TBC1D5: variants seen among roughly 807,000 people sequenced by gnomAD.
TBC1D5 encodes the protein TBC1 domain family member 5.
A neutral mutation model predicts 100.3 loss-of-function variants in TBC1D5; 75 were observed. The ratio of observed to expected loss-of-function variants is 0.75; its 90% CI spans 0.62 to 0.91. The LOEUF (loss-of-function observed/expected upper bound fraction) is 0.91, where lower values mean the gene tolerates loss of function less well. TBC1D5 is among the 40% of genes least tolerant of loss of function. TBC1D5 has a pLI of 0.00. For synonymous variants in TBC1D5, 323 were observed against 325.6 expected (o/e 0.99, Z 0.09); for missense variants, 910 against 942.4 (o/e 0.97, Z 0.45).
intron 3 of TBC1D5, among the ~76,000 whole-genome samples, chr3:17,439,516 T>G (rs988659776): frequency 6.6e-6 from 1 of 152,206 alleles, no homozygotes; most frequent in African/African-American, 2.4e-5. Flanking sequence ...CGTTACTGAT[T>G]AGTATTTAAA....
chr3:17,673,167 A>C (rs961671131), intron 1 of TBC1D5, among the ~76,000 whole-genome samples: 4 of 152,192 alleles, frequency 2.6e-5, no homozygotes, highest in Non-Finnish European at 5.9e-5. Context: ...TAATACAAAA[A>C]CAGGAAAGAT....
intron 13 of TBC1D5, among the ~76,000 whole-genome samples, chr3:17,370,686 C>G (rs1312315532): frequency 6.6e-6 from 1 of 152,122 alleles, no homozygotes; most frequent in African/African-American, 2.4e-5. Context: ...AGAAAAACAG[C>G]TGAGAGTTAT....
intron 4 of TBC1D5, among the ~76,000 whole-genome samples, chr3:17,416,335 G>C (rs1249465848): frequency 6.6e-6 from 1 of 152,156 alleles, no homozygotes; most frequent in African/African-American, 2.4e-5. Flanking sequence ...AGTTGCAGCT[G>C]AAGAACTACA....
At position 17,225,091 on chromosome 3, in the gene TBC1D5, C is replaced by T. The variant is rs190601615; in HGVS notation, c.1589-10721G>A. ...GATGATGGAGAGCACAGTCTACCGT[C>T]CATGTTCCACACCTGGATATTTAAC... On this transcript the variant is annotated intron_variant, in intron 17 of 21. Transcript: ENST00000253692. Among the ~76,000 whole-genome samples the T allele has an allele frequency of 7.7e-4, 117 of 152,272 alleles. No homozygotes were observed. In the South Asian group the frequency reaches 0.011, roughly 14 times the overall value.
chr3:17,702,699 T>C (rs185997015), intron 1 of TBC1D5, among the ~76,000 whole-genome samples: 45 of 152,274 alleles, frequency 3.0e-4, no homozygotes, highest in African/African-American at 1.0e-3. Context: ...ATGAACGAGA[T>C]TGATGAACAA....
At chr3:17,241,674 C>A (rs1470758008) in intron 16 of TBC1D5, among the ~76,000 whole-genome samples, 1 of 152,178 alleles carries the variant, frequency 6.6e-6, no homozygotes, top group African/African-American at 2.4e-5. Flanking sequence ...CCAATTCTGA[C>A]CTGAATTCAC....
intron 3 of TBC1D5, among the ~76,000 whole-genome samples, chr3:17,447,501 A>C (rs1457626760): frequency 6.6e-6 from 1 of 152,236 alleles, no homozygotes; most frequent in African/African-American, 2.4e-5. Flanking sequence ...CTAGGGAAAA[A>C]AACAGAAAGA....
intron 16 of TBC1D5, among the ~76,000 whole-genome samples, chr3:17,241,083 A>C (rs1030823820): frequency 1.3e-5 from 2 of 151,984 alleles, no homozygotes; most frequent in African/African-American, 2.4e-5. Context: ...TTTTTTTCAA[A>C]ACAACAATTG....
At chr3:17,718,449 T>G (rs1364525639) in intron 1 of TBC1D5, among the ~76,000 whole-genome samples, 2 of 151,888 alleles carry the variant, frequency 1.3e-5, no homozygotes, top group South Asian at 2.1e-4. Flanking sequence ...TACAAAAAAA[T>G]TAGCAGGCAT....
intron 1 of TBC1D5, among the ~76,000 whole-genome samples, chr3:17,646,073 G>C (rs768938017): frequency 2.6e-5 from 4 of 152,106 alleles, no homozygotes; most frequent in Non-Finnish European, 5.9e-5. Context: ...TTAAACTGAA[G>C]TGATGAGGAT....
chr3:17,383,795 C>T (rs1444415457), intron 9 of TBC1D5, 118 bp downstream of exon 9: 1 of 711,142 alleles, frequency 1.4e-6, no homozygotes, highest in Non-Finnish European at 2.2e-6. Context: ...TCTCTGATTG[C>T]TTTAGCATTA....
chr3:17,367,065 T>G (rs150013873), intron 13 of TBC1D5, among the ~76,000 whole-genome samples: 205 of 152,280 alleles, frequency 1.3e-3, no homozygotes, highest in African/African-American at 4.8e-3. Context: ...AAAGTGACAT[T>G]AATTGCATAT....
chr3:17,580,930 A>G (rs2096690162), intron 2 of TBC1D5, among the ~76,000 whole-genome samples: 1 of 152,192 alleles, frequency 6.6e-6, no homozygotes. Flanking sequence ...TTCTCTATCT[A>G]TATTTACTGT....
chr3:17,386,849 G>A (rs2093172885), intron 8 of TBC1D5, among the ~76,000 whole-genome samples: 1 of 151,936 alleles, frequency 6.6e-6, no homozygotes, highest in African/African-American at 2.4e-5. Context: ...ATCAATTCCT[G>A]GTTTCATTTA....
intron 2 of TBC1D5, among the ~76,000 whole-genome samples, chr3:17,550,573 T>C (rs1348502169): frequency 1.3e-5 from 2 of 150,292 alleles, no homozygotes; most frequent in African/African-American, 4.9e-5. Context: ...CCACAGAAGG[T>C]CTTCTTCTAC....
chr3:17,455,231 TG>T (rs1244214934), intron 3 of TBC1D5, among the ~76,000 whole-genome samples: 50 of 141,294 alleles, frequency 3.5e-4, no homozygotes, highest in Admixed American at 1.6e-3. Flanking sequence ...TATTATATAT[TG>T]TATACATATA....
chr3:17,267,227 T>C (rs115942536), intron 15 of TBC1D5, among the ~76,000 whole-genome samples: 1,608 of 152,304 alleles, frequency 0.011, 29 homozygotes, highest in African/African-American at 0.036. Flanking sequence ...ACATACCCCC[T>C]ACCCTCAGTT....
chr3:17,185,542 T>A (rs536006259), intron 18 of TBC1D5, among the ~76,000 whole-genome samples: 1 of 152,194 alleles, frequency 6.6e-6, no homozygotes, highest in African/African-American at 2.4e-5. Context: ...ATCTTCAACA[T>A]TGAGCAACAC....
At chr3:17,250,641 C>A (rs564212586) in intron 16 of TBC1D5, among the ~76,000 whole-genome samples, 6 of 152,342 alleles carry the variant, frequency 3.9e-5, no homozygotes, top group African/African-American at 1.2e-4. Context: ...GGGAAATGTT[C>A]TTCCCCAAGA....
Sources: allele counts gnomAD v4.1 joint callset (sites outside exome capture counted in the v4.1 genomes callset), GRCh38; gene constraint gnomAD v4.1.1; transcripts MANE v1.5; gene names NCBI Gene and HGNC (gene_info 2026-07-23, HGNC 2026-07-21).